TRAF2: variants seen among roughly 807,000 people sequenced by gnomAD.
The protein encoded by TRAF2 is TNF receptor-associated factor 2.
A neutral mutation model predicts 55.6 loss-of-function variants in TRAF2; 6 were observed. The ratio of observed to expected loss-of-function variants is 0.11; its 90% confidence interval spans 0.06 to 0.21. The LOEUF (loss-of-function observed/expected upper bound fraction) is 0.21, where lower values mean the gene tolerates loss of function less well. Ranked by LOEUF, TRAF2 falls within the 10% of genes least tolerant of loss-of-function variation. The probability of loss-of-function intolerance (pLI) is 1.00; values close to 1 mark genes in which losing one functional copy is unlikely to be tolerated. For synonymous variants in TRAF2, 329 were observed against 276.3 expected (o/e 1.19, Z -1.89); for missense variants, 561 against 684.5 (o/e 0.82, Z 2.01).
chr9:136,908,236 G>T lies in TRAF2; in HGVS notation c.528+5G>T. ...TGCTGCGGAGCAGACGTGAAGGTGC[G>T]TGGGGTGGAGCAGCAGCCTGTGTGG... is the stretch of plus-strand genomic sequence containing the variant. On this transcript the variant is annotated splice_donor_5th_base_variant and intron_variant, in intron 5 of 10. Transcript: ENST00000247668. 6.4e-7 allele frequency: 1 copy of T among 1,568,606 alleles called. No individual in the cohort carries two copies. Among genetic ancestry groups the T allele is most frequent in the Non-Finnish European group, 8.6e-7 (1 of 1,165,334 alleles).
intron 4 of TRAF2, among the ~76,000 whole-genome samples, chr9:136,903,209 C>T (rs1849862235): frequency 6.6e-6 from 1 of 152,192 alleles, no homozygotes; most frequent in Non-Finnish European, 1.5e-5. Context: ...CCTTGGCCTC[C>T]CAAAGTGCTG....
At chr9:136,883,680 C>A (rs942717093), upstream of TRAF2, among the ~76,000 whole-genome samples, 8 of 151,914 alleles carry the variant, frequency 5.3e-5, no homozygotes, top group African/African-American at 1.5e-4. Flanking sequence ...CCATGCCCAG[C>A]TGATTTTTGT....
intron 9 of TRAF2, among the ~76,000 whole-genome samples, chr9:136,922,773 C>T (rs1298480432): frequency 6.9e-5 from 2 of 29,060 alleles, no homozygotes; most frequent in African/African-American, 1.5e-4. Context: ...AGGACTAGGA[C>T]GGGGGGAGGA....
intron 1 of TRAF2, among the ~76,000 whole-genome samples, chr9:136,892,136 T>C (rs1849593159): frequency 6.6e-6 from 1 of 152,128 alleles, no homozygotes; most frequent in African/African-American, 2.4e-5. Context: ...TTTAACATCT[T>C]ATAATAAGTA....
intron 1 of TRAF2, among the ~76,000 whole-genome samples, chr9:136,894,097 A>G (rs1225340790): frequency 8.4e-6 from 1 of 119,722 alleles, no homozygotes; most frequent in Non-Finnish European, 1.6e-5. Context: ...CCCAGGCTGG[A>G]GTGAAGTGGT....
intron 4 of TRAF2, among the ~76,000 whole-genome samples, chr9:136,903,021 C>G (rs1346196324): frequency 6.6e-6 from 1 of 152,018 alleles, no homozygotes; most frequent in Non-Finnish European, 1.5e-5. Flanking sequence ...GGCTAGAGTG[C>G]AGTGGCGTGA....
At chr9:136,887,135 C>T (rs572766683) in intron 1 of TRAF2, among the ~76,000 whole-genome samples, 26 of 152,298 alleles carry the variant, frequency 1.7e-4, no homozygotes, top group Admixed American at 1.0e-3. Context: ...GGTGAAAAGT[C>T]CCTCTGGCTG....
upstream of TRAF2, among the ~76,000 whole-genome samples, chr9:136,882,207 G>A (rs1026217636): frequency 2.0e-5 from 3 of 152,216 alleles, no homozygotes; most frequent in Non-Finnish European, 4.4e-5. Flanking sequence ...TGCCAACCAC[G>A]CCCAAGGGAA....
At chr9:136,904,862 C>CG (rs1194028012) in intron 4 of TRAF2, among the ~76,000 whole-genome samples, 1 of 152,094 alleles carries the variant, frequency 6.6e-6, no homozygotes, top group Non-Finnish European at 1.5e-5. Flanking sequence ...GGTCCTGTCC[C>CG]GTCAGTGGGT....
At chr9:136,898,039 G>GTC (rs1849726150) in intron 1 of TRAF2, among the ~76,000 whole-genome samples, 1 of 147,772 alleles carries the variant, frequency 6.8e-6, no homozygotes, top group Admixed American at 6.7e-5. Flanking sequence ...CTCAGGGCTG[G>GTC]AGGGGAACCC....
intron 1 of TRAF2, among the ~76,000 whole-genome samples, chr9:136,896,299 A>G: frequency 6.6e-6 from 1 of 152,236 alleles, no homozygotes; most frequent in South Asian, 2.1e-4. Context: ...ATCAGGTGAC[A>G]CGTGCCCCCA....
rs779896746 is a variant in TRAF2, at chr9:136,909,946, C to G, written c.555C>G (p.Phe185Leu). 3 of 1,614,194 alleles carry G rather than the reference C, an allele frequency of 1.9e-6. No individual in the cohort carries two copies. The highest frequency in any genetic ancestry group is 1.1e-5 in the South Asian group (1 of 91,088). Residue 185 changes from phenylalanine (F) to leucine (L), a missense_variant, in exon 6 of 11, where the codon TTC becomes TTG. Phe to Leu is a conservative substitution (Grantham distance 22). This residue lies in a region of TRAF2 where 426 missense variants were observed against 476.8 expected (regional missense o/e 0.89). Coordinates refer to ENST00000247668, the MANE Select transcript of TRAF2 (RefSeq NM_021138.4). ...VKAHHEVCPK[F>L]PLTCDGCGKK... is the part of the protein sequence containing the mutation. ...CGCACCACGAGGTCTGCCCCAAGTT[C>G]CCCTTAACTTGTGACGGCTGCGGCA...
chr9:136,905,201 C>T (rs1302005469), intron 4 of TRAF2, among the ~76,000 whole-genome samples: 2 of 152,230 alleles, frequency 1.3e-5, no homozygotes, highest in African/African-American at 2.4e-5. Context: ...TGAAGGGCCC[C>T]GCAGCCAGGT....
At position 136,898,783 on chromosome 9, in the gene TRAF2, C is replaced by G. The variant is rs1437007207; in HGVS notation, c.43C>G (p.Leu15Val). ...GACCCCCCCTGGCTCCCTGGAGTTG[C>G]TACAGCCCGGCTTCTCCAAGACCCT... Reference protein sequence around the residue: ...SVTPPGSLELLQPGFSKTLLG... With the variant: ...SVTPPGSLELVQPGFSKTLLG... Residue 15 changes from leucine (L) to valine (V), a missense_variant, in exon 2 of 11, where the codon CTA becomes GTA. Around this residue, in one of 2 missense-constraint regions of TRAF2, gnomAD observed 426 missense variants for 476.8 expected, o/e 0.89. Transcript: ENST00000247668. 5 of 1,613,608 alleles carry G rather than the reference C, an allele frequency of 3.1e-6. No individual in the cohort carries two copies. In the South Asian group the frequency reaches 5.5e-5, roughly 18 times the overall value.
At chr9:136,882,779 G>A (rs1353469382), upstream of TRAF2, 1 of 984,030 alleles carries the variant, frequency 1.0e-6, no homozygotes, top group African/African-American at 1.7e-5. Context: ...CTTCCAAGCT[G>A]GTGGGCGGGG....
chr9:136,909,947 C>T lies in TRAF2; in HGVS notation c.556C>T (p.Pro186Ser). The change falls in exon 6 of 11, where the codon CCC (proline) becomes TCC (serine). Residue 186 changes from proline to serine, a missense_variant. This residue lies in a region of TRAF2 where 426 missense variants were observed against 476.8 expected (regional missense o/e 0.89). Coordinates refer to ENST00000247668, the MANE Select transcript of TRAF2 (RefSeq NM_021138.4). Reference sequence around the variant, plus strand: ...GCACCACGAGGTCTGCCCCAAGTTCCCCTTAACTTGTGACGGCTGCGGCAA... The same window carrying T: ...GCACCACGAGGTCTGCCCCAAGTTCTCCTTAACTTGTGACGGCTGCGGCAA... Reference protein sequence around the residue: ...KAHHEVCPKFPLTCDGCGKKK... With the variant: ...KAHHEVCPKFSLTCDGCGKKK... The T allele has an allele frequency of 6.2e-7, 1 of 1,614,140 alleles. No individual in the cohort carries two copies.
intron 6 of TRAF2, among the ~76,000 whole-genome samples, chr9:136,913,195 CTGA>C: frequency 6.6e-6 from 1 of 151,734 alleles, no homozygotes; most frequent in East Asian, 1.9e-4. Flanking sequence ...GATGAGGCCA[CTGA>C]TGATGAGGCC....
intron 6 of TRAF2, 70 bp downstream of exon 6, chr9:136,910,064 G>T (rs929512585): frequency 2.6e-5 from 39 of 1,488,442 alleles, no homozygotes; most frequent in Non-Finnish European, 3.5e-5. Context: ...GGTCCCGTGG[G>T]TGGGGGTGGG....
At chr9:136,913,274 C>T (rs954244774) in intron 6 of TRAF2, among the ~76,000 whole-genome samples, 3 of 148,048 alleles carry the variant, frequency 2.0e-5, no homozygotes, top group African/African-American at 7.5e-5. Flanking sequence ...GGTCCACATA[C>T]CATGTTCTTA....
Sources: gnomAD v4.1 joint callset for allele counts (sites outside exome capture counted in the v4.1 genomes callset) on GRCh38, gnomAD v4.1.1 for gene constraint, gnomAD v4.1.1 regional missense constraint, MANE v1.5 for transcripts, NCBI Gene and HGNC (gene_info 2026-07-23, HGNC 2026-07-21) for gene names.